Variants in SGCZ observed in about 807,000 individuals in gnomAD.
SGCZ encodes sarcoglycan zeta.
Under a neutral mutation model 41.3 loss-of-function variants are expected in SGCZ, and 40 were observed. The ratio of observed to expected loss-of-function variants is 0.97; its 90% CI spans 0.75 to 1.26. The LOEUF is 1.26. Ranked by LOEUF, SGCZ falls within the 50% of genes most tolerant of loss-of-function variation. The pLI is 0.00. For synonymous variants in SGCZ, 206 were observed against 137.5 expected, an observed-to-expected ratio of 1.50 and a Z score of -3.49; for missense variants, 552 against 369.8, an observed-to-expected ratio of 1.49 and a Z score of -4.04.
intron 1 of SGCZ, among the ~76,000 whole-genome samples, chr8:15,175,846 T>C (rs1799982166): frequency 6.6e-6 from 1 of 152,040 alleles, no homozygotes; most frequent in Non-Finnish European, 1.5e-5. Flanking sequence ...AGAGGAAGAT[T>C]GCAAAACCAA....
intron 1 of SGCZ, among the ~76,000 whole-genome samples, chr8:14,769,910 C>T (rs973223668): frequency 6.6e-6 from 1 of 150,434 alleles, no homozygotes; most frequent in Non-Finnish European, 1.5e-5. Flanking sequence ...ACTCTATCAG[C>T]GGGTATGCTG....
At chr8:15,101,822 C>T (rs1262787536) in intron 1 of SGCZ, among the ~76,000 whole-genome samples, 3 of 152,132 alleles carry the variant, frequency 2.0e-5, no homozygotes, top group East Asian at 1.9e-4. Context: ...CCCAGCTACT[C>T]GCTGAAGCAG....
intron 2 of SGCZ, among the ~76,000 whole-genome samples, chr8:14,410,280 A>G (rs975340331): frequency 3.9e-5 from 6 of 152,056 alleles, no homozygotes; most frequent in African/African-American, 1.2e-4. Flanking sequence ...CTGATGCCAA[A>G]AAGTTGGGGA....
intron 4 of SGCZ, among the ~76,000 whole-genome samples, chr8:14,197,272 G>A (rs1159917007): frequency 1.3e-5 from 2 of 151,632 alleles, no homozygotes; most frequent in Non-Finnish European, 2.9e-5. Context: ...TAGAAATGAA[G>A]GGAACACTTC....
intron 1 of SGCZ, among the ~76,000 whole-genome samples, chr8:14,606,636 G>C (rs1350013410): frequency 6.6e-6 from 1 of 152,112 alleles, no homozygotes; most frequent in Non-Finnish European, 1.5e-5. Context: ...CAATTAAATA[G>C]GTTTACTGTT....
intron 3 of SGCZ, among the ~76,000 whole-genome samples, chr8:14,305,658 A>T (rs1008932433): frequency 3.3e-5 from 5 of 152,226 alleles, no homozygotes; most frequent in African/African-American, 9.6e-5. Flanking sequence ...CTATTAAGAC[A>T]AGAAATAATG....
At chr8:14,623,412 C>T (rs893889185) in intron 1 of SGCZ, among the ~76,000 whole-genome samples, 1 of 152,166 alleles carries the variant, frequency 6.6e-6, no homozygotes, top group African/African-American at 2.4e-5. Flanking sequence ...AGGCAAGCAT[C>T]CCGCTGTTGA....
At chr8:14,269,620 T>C (rs1799995693) in intron 3 of SGCZ, among the ~76,000 whole-genome samples, 2 of 152,150 alleles carry the variant, frequency 1.3e-5, no homozygotes, top group Non-Finnish European at 2.9e-5. Flanking sequence ...TTTGGGTCAT[T>C]GATCTCCATG....
chr8:14,654,475 A>G (rs1047548977), intron 1 of SGCZ, among the ~76,000 whole-genome samples: 1 of 152,156 alleles, frequency 6.6e-6, no homozygotes, highest in African/African-American at 2.4e-5. Context: ...AAAAATATTT[A>G]AATCTCTTAG....
rs1408574493 is a variant in SGCZ, at chr8:14,784,913, A to AAAAAATAT, written c.40-229988_40-229987insATATTTTT. ...GTGAAACTCTGCCTCAAAAAAAAAA[A>AAAAAATAT]ATATATATATATATATATATAAAAT... is the stretch of plus-strand genomic sequence containing the variant. On this transcript the variant is annotated intron_variant, in intron 1 of 7. Coordinates refer to ENST00000382080, the MANE Select transcript of SGCZ (RefSeq NM_139167.4). Among the ~76,000 whole-genome samples, 575 of 87,940 alleles carry AAAAAATAT rather than the reference A, an allele frequency of 6.5e-3. 15 individuals carry two copies. Among genetic ancestry groups the AAAAAATAT allele is most frequent in the African/African-American group, 0.013 (274 of 21,294 alleles). The allele number at this position is 87,940 out of a possible 152,430, so 57.7% of individuals were successfully genotyped here. A position where few individuals can be genotyped will look rare whatever the true frequency, so the allele number is the denominator to read the frequency against.
intron 3 of SGCZ, 67 bp from the exon 4 acceptor site, chr8:14,237,746 C>T (rs950560717): frequency 2.2e-6 from 3 of 1,386,154 alleles, no homozygotes; most frequent in Admixed American, 3.5e-5. Context: ...AAAAAATATA[C>T]TGCATTTGTT....
rs1229003832 is a variant in SGCZ, at chr8:14,958,208, T to C, written c.39+279377A>G. Among the ~76,000 whole-genome samples, 3 of 152,152 alleles carry C rather than the reference T, an allele frequency of 2.0e-5. No homozygotes were observed. The East Asian group carries it at 5.8e-4, about 29-fold the overall frequency. On this transcript the variant is annotated intron_variant, in intron 1 of 7. Coordinates refer to ENST00000382080, the MANE Select transcript of SGCZ (RefSeq NM_139167.4). ...GAGTAACAGTTTATTTTATATATTC[T>C]GATGAGTAAAAAAGGGACCCAAGTT...
At chr8:14,892,110 G>A (rs995400034) in intron 1 of SGCZ, among the ~76,000 whole-genome samples, 16 of 152,092 alleles carry the variant, frequency 1.1e-4, no homozygotes, top group Admixed American at 4.6e-4. Context: ...AATTTATTAC[G>A]TATGTAGTTG....
At chr8:15,003,465 T>C (rs1397180310) in intron 1 of SGCZ, among the ~76,000 whole-genome samples, 1 of 152,188 alleles carries the variant, frequency 6.6e-6, no homozygotes, top group Non-Finnish European at 1.5e-5. Flanking sequence ...AGGTATGCTA[T>C]AAGGTGATTG....
At chr8:14,107,237 A>G (rs1029872405) in intron 6 of SGCZ, among the ~76,000 whole-genome samples, 7 of 128,896 alleles carry the variant, frequency 5.4e-5, no homozygotes, top group Admixed American at 2.5e-4. Flanking sequence ...TAAAAAAATA[A>G]ATAAAAAAAA....
intron 7 of SGCZ, among the ~76,000 whole-genome samples, chr8:14,091,784 G>A (rs574113308): frequency 2.6e-5 from 4 of 152,142 alleles, no homozygotes; most frequent in Non-Finnish European, 4.4e-5. Flanking sequence ...TAGGTTGCCT[G>A]TTCACTCTGA....
At chr8:14,280,586 T>C (rs1162240330) in intron 3 of SGCZ, among the ~76,000 whole-genome samples, 4 of 151,972 alleles carry the variant, frequency 2.6e-5, no homozygotes, top group African/African-American at 9.7e-5. Flanking sequence ...ATCGGAAATC[T>C]CTGAGGATGT....
At chr8:14,619,561 T>C (rs897464952) in intron 1 of SGCZ, among the ~76,000 whole-genome samples, 3 of 151,978 alleles carry the variant, frequency 2.0e-5, no homozygotes, top group African/African-American at 7.3e-5. Flanking sequence ...CAGCCCAAAA[T>C]CTCCTTAAGC....
chr8:14,169,555 C>T (rs1295015343), intron 4 of SGCZ, among the ~76,000 whole-genome samples: 1 of 152,104 alleles, frequency 6.6e-6, no homozygotes, highest in Admixed American at 6.6e-5. Flanking sequence ...CCCAGGACAT[C>T]CCTCTGCTGC....
Sources: gnomAD v4.1 joint callset for allele counts (sites outside exome capture counted in the v4.1 genomes callset) on GRCh38, gnomAD v4.1.1 for gene constraint, MANE v1.5 for transcripts, NCBI Gene and HGNC (gene_info 2026-07-23, HGNC 2026-07-21) for gene names.